GPD2: variants seen among roughly 807,000 people sequenced by gnomAD.
GPD2 encodes glycerol-3-phosphate dehydrogenase 2, also known as glycerol-3-phosphate dehydrogenase, mitochondrial.
Under a neutral mutation model 82.4 loss-of-function variants are expected in GPD2, and 54 were observed. That is an observed-to-expected ratio of 0.66 (90% confidence interval 0.53 to 0.82). GPD2 has a LOEUF of 0.82. Among genes scored for constraint, GPD2 ranks in the 40% least tolerant of loss-of-function variants. GPD2 has a pLI of 0.00. For synonymous variants in GPD2, 288 were observed against 306.1 expected (o/e 0.94, Z 0.62); for missense variants, 748 against 896.2 (o/e 0.83, Z 2.11).
At chr2:156,453,439 T>TG (rs1682685249) in intron 1 of GPD2, among the ~76,000 whole-genome samples, 1 of 152,086 alleles carries the variant, frequency 6.6e-6, no homozygotes, top group African/African-American at 2.4e-5. Flanking sequence ...AAAGAGAAGG[T>TG]GGTGTTTACA....
rs779394298 is a variant in GPD2 at position 156,568,953 on chromosome 2, A to G, written c.1294A>G (p.Ile432Val). The G allele has an allele frequency of 7.5e-6, 12 of 1,600,256 alleles. No homozygotes were observed. The highest frequency in any genetic ancestry group is 1.7e-4 in the Middle Eastern group (1 of 6,040). Residue 432 changes from isoleucine to valine, a missense_variant, in exon 10 of 17, where the codon ATA becomes GTA. Transcript: ENST00000438166. ...TATCAGTGAGAGTGGCCTTATTACT[A>G]TAGCAGGTATGAGATACTACCTTGT... ...VDISESGLIT[I>V]AGGKWTTYRS...
At chr2:156,425,799 G>C in the GPD2 span, among the ~76,000 whole-genome samples, 4 of 152,298 alleles carry the variant, frequency 2.6e-5, no homozygotes, top group South Asian at 4.1e-4. Flanking sequence ...CCTTGCCTGG[G>C]AGGCATATGT....
chr2:156,525,439 A>C (rs962026317), intron 6 of GPD2, among the ~76,000 whole-genome samples: 1 of 152,230 alleles, frequency 6.6e-6, no homozygotes, highest in Admixed American at 6.5e-5. Flanking sequence ...GAAAATGGTA[A>C]CTAGGGACCA....
chr2:156,411,101 A>G, the GPD2 span, among the ~76,000 whole-genome samples: 2 of 152,206 alleles, frequency 1.3e-5, no homozygotes, highest in South Asian at 4.1e-4. Context: ...TGAACAGCAA[A>G]ATAATTACCA....
At chr2:156,419,137 G>A in the GPD2 span, among the ~76,000 whole-genome samples, 24 of 129,840 alleles carry the variant, frequency 1.8e-4, no homozygotes, top group African/African-American at 6.7e-4. Flanking sequence ...TTGGCTTATC[G>A]CAATCTCTGC....
chr2:156,477,696 T>C (rs1683562103), intron 2 of GPD2, among the ~76,000 whole-genome samples: 1 of 152,196 alleles, frequency 6.6e-6, no homozygotes, highest in Admixed American at 6.5e-5. Flanking sequence ...ATTGATTGGG[T>C]TCATAGTGGA....
chr2:156,430,877 G>C (rs1000463309), upstream of GPD2, among the ~76,000 whole-genome samples: 11 of 152,356 alleles, frequency 7.2e-5, no homozygotes, highest in South Asian at 2.1e-4. Context: ...GTCAATCCCA[G>C]AAGCTGCGTT....
chr2:156,562,574 T>C (rs1186021126), intron 9 of GPD2, among the ~76,000 whole-genome samples: 1 of 77,710 alleles, frequency 1.3e-5, no homozygotes, highest in East Asian at 5.1e-4. Context: ...GTGGCAAACA[T>C]GAAAAAAAAA....
At chr2:156,417,982 C>T in the GPD2 span, among the ~76,000 whole-genome samples, 3 of 152,012 alleles carry the variant, frequency 2.0e-5, no homozygotes, top group Non-Finnish European at 2.9e-5. Context: ...TTTGGGAGGC[C>T]GAGGTGGGCG....
chr2:156,426,032 C>T, the GPD2 span, among the ~76,000 whole-genome samples: 2 of 151,866 alleles, frequency 1.3e-5, no homozygotes, highest in African/African-American at 4.8e-5. Flanking sequence ...ACGCCATTCT[C>T]CTGCCTTAGC....
intron 1 of GPD2, among the ~76,000 whole-genome samples, chr2:156,464,714 T>G (rs1417641895): frequency 6.6e-6 from 1 of 152,204 alleles, no homozygotes; most frequent in Non-Finnish European, 1.5e-5. Context: ...AACTAATTAT[T>G]ATTAAAAATT....
chr2:156,436,891 C>T (rs1681943719), intron 1 of GPD2, among the ~76,000 whole-genome samples: 1 of 152,154 alleles, frequency 6.6e-6, no homozygotes, highest in Non-Finnish European at 1.5e-5. Flanking sequence ...TTGAGAAACT[C>T]AGCTGCTGGC....
chr2:156,586,095 C>G lies in GPD2; in HGVS notation c.*3177C>G, dbSNP rs1688207148. The G allele has an allele frequency of 6.6e-6, 1 of 152,206 alleles. No individual in the cohort carries two copies. The highest frequency in any genetic ancestry group is 2.4e-5 in the African/African-American group (1 of 41,346). 9.4% of individuals were successfully genotyped at this position (152,206 alleles called of 1,614,324 possible). ...GCAATAAGAGGATGTATTTAATGTG[C>G]CTTGTTTTTAACTGAATAAGAACTG... On this transcript the variant is annotated 3_prime_UTR_variant, in exon 17 of 17. Coordinates refer to ENST00000438166, the MANE Select transcript of GPD2 (RefSeq NM_000408.5).
intron 6 of GPD2, among the ~76,000 whole-genome samples, chr2:156,517,595 T>C (rs1167208941): frequency 6.6e-6 from 1 of 152,208 alleles, no homozygotes; most frequent in Non-Finnish European, 1.5e-5. Flanking sequence ...AGCTGGCCAT[T>C]ACTGCTGATA....
the GPD2 span, among the ~76,000 whole-genome samples, chr2:156,402,024 A>AT: frequency 2.0e-5 from 3 of 152,200 alleles, no homozygotes; most frequent in Non-Finnish European, 4.4e-5. Context: ...TTATGAGAAA[A>AT]TAACAGCTAA....
intron 1 of GPD2, among the ~76,000 whole-genome samples, chr2:156,456,517 T>C (rs1573887005): frequency 6.6e-6 from 1 of 151,870 alleles, no homozygotes; most frequent in South Asian, 2.1e-4. Context: ...GTGGGAGAAT[T>C]GCTTGAACTT....
chr2:156,553,119 C>G (rs1301264174), intron 8 of GPD2, among the ~76,000 whole-genome samples: 2 of 151,928 alleles, frequency 1.3e-5, no homozygotes, highest in East Asian at 3.9e-4. Context: ...AAACTCCTGG[C>G]CTCAAGTGAT....
rs556169388 is a variant in GPD2 at position 156,557,607 on chromosome 2, G to T, written c.1165+25G>T. ...GGTAACTAAGCATTCCTTTAAGTTT[G>T]TCTCTCTGTGTCCATATCTCCCAAG... On this transcript the variant is annotated intron_variant, in intron 9 of 16. Coordinates refer to ENST00000438166, the MANE Select transcript of GPD2 (RefSeq NM_000408.5). 7.1e-6 allele frequency: 9 copies of T among 1,272,870 alleles called. No homozygotes were observed. In the African/African-American group the frequency reaches 1.0e-4, roughly 14 times the overall value. 78.8% of individuals were successfully genotyped at this position (1,272,870 alleles called of 1,614,324 possible). A position where few individuals can be genotyped will look rare whatever the true frequency, so the allele number is the denominator to read the frequency against.
the GPD2 span, among the ~76,000 whole-genome samples, chr2:156,409,330 T>C: frequency 6.6e-6 from 1 of 152,202 alleles, no homozygotes; most frequent in African/African-American, 2.4e-5. Flanking sequence ...TATTTGTGCA[T>C]TAATACCATT....
Sources: gnomAD v4.1 joint callset for allele counts (sites outside exome capture counted in the v4.1 genomes callset) on GRCh38, gnomAD v4.1.1 for gene constraint, MANE v1.5 for transcripts, NCBI Gene and HGNC (gene_info 2026-07-23, HGNC 2026-07-21) for gene names.